The following AGAP6 variants were observed in gnomAD, a reference collection of about 807,000 sequenced individuals.
The protein encoded by AGAP6 is arf-GAP with GTPase, ANK repeat and PH domain-containing protein 6.
Under a neutral mutation model 63.9 loss-of-function variants are expected in AGAP6, and 29 were observed. That is an observed-to-expected ratio of 0.45 (90% CI 0.34 to 0.62). The LOEUF (loss-of-function observed/expected upper bound fraction) is 0.62, where lower values mean the gene tolerates loss of function less well. AGAP6 is among the 20% of genes least tolerant of loss of function. The pLI, the probability that AGAP6 is intolerant of heterozygous loss-of-function variation, is 0.01. For synonymous variants in AGAP6, 199 were observed against 332.9 expected, an observed-to-expected ratio of 0.60 and a Z score of 4.38; for missense variants, 493 against 884.9, an observed-to-expected ratio of 0.56 and a Z score of 5.62.
In AGAP6 at chr10:50,008,090, T is replaced by C. The variant is rs1554864269; in HGVS notation, c.585+14T>C. The stretch of plus-strand genomic sequence containing the variant: ...CACTCATTTGCGGTAAGTGGCACTT[T>C]TATTGAGGTTGTATTTTCATCATAC... On this transcript the variant is annotated intron_variant, in intron 7 of 7. Coordinates refer to ENST00000412531, the MANE Select transcript of AGAP6 (RefSeq NM_001077665.3). 1.2e-6 allele frequency: 2 copies of C among 1,611,910 alleles called. No individual in the cohort carries two copies. Among genetic ancestry groups the C allele is most frequent in the Admixed American group, 1.7e-5 (1 of 60,024 alleles).
At chr10:50,004,172 C>T (rs572584814) in intron 5 of AGAP6, among the ~76,000 whole-genome samples, 4 of 151,030 alleles carry the variant, frequency 2.6e-5, no homozygotes, top group East Asian at 2.0e-4. Flanking sequence ...GCAACAAGAG[C>T]GAAACTCCAC....
Position 50,009,547 on chromosome 10 carries a change from TG to T in AGAP6, c.1425del (p.Asn476ThrfsTer17), listed in dbSNP as rs782298492. On this transcript the variant is annotated frameshift_variant, in exon 8 of 8. Coordinates refer to ENST00000412531, the MANE Select transcript of AGAP6 (RefSeq NM_001077665.3). LOFTEE classifies it high-confidence loss of function. ...CCCTGCAGTCGATCCAAAACATGCGTGGGAACGCCCACTGTGTGGACTGTGA... is the reference window on the plus strand; with the variant it reads ...CCCTGCAGTCGATCCAAAACATGCGTGGAACGCCCACTGTGTGGACTGTGA... Reference protein sequence around the residue: ...MALQSIQNMRGNAHCVDCETQ... With the variant: ...MALQSIQNMRXNAHCVDCETQ... The T allele has an allele frequency of 6.2e-7, 1 of 1,613,684 alleles. No homozygotes were observed. Among genetic ancestry groups the T allele is most frequent in the South Asian group, 1.1e-5 (1 of 91,058 alleles).
chr10:49,996,718 G>C (rs1554862003), intron 4 of AGAP6, among the ~76,000 whole-genome samples: 2 of 146,240 alleles, frequency 1.4e-5, no homozygotes, highest in Non-Finnish European at 3.0e-5. Flanking sequence ...TCTAGTTAGA[G>C]ATTTGCAACT....
At position 49,989,307 on chromosome 10, in the gene AGAP6, G is replaced by T; in HGVS notation, c.224-1G>T. ...TTTCTTTTCTCCCTCTATACATATA[G>T]CTTTGGAGTTTAACCTTTCTGCCAA... On this transcript the variant is annotated splice_acceptor_variant, in intron 1 of 7. Coordinates refer to ENST00000412531, the MANE Select transcript of AGAP6 (RefSeq NM_001077665.3). LOFTEE classifies it high-confidence loss of function. The T allele has an allele frequency of 6.3e-7, 1 of 1,597,048 alleles. No homozygotes were observed. The highest frequency in any genetic ancestry group is 8.5e-7 in the Non-Finnish European group (1 of 1,179,712).
chr10:49,995,764 T>A (rs1841459487), intron 4 of AGAP6, among the ~76,000 whole-genome samples: 1 of 152,242 alleles, frequency 6.6e-6, no homozygotes, highest in South Asian at 2.1e-4. Flanking sequence ...TGGGTGGAGA[T>A]GTTAAAATCC....
intron 3 of AGAP6, among the ~76,000 whole-genome samples, chr10:49,993,197 C>T (rs1841349438): frequency 6.6e-6 from 1 of 152,348 alleles, no homozygotes; most frequent in South Asian, 2.1e-4. Flanking sequence ...TTAAGGGTCA[C>T]ATGTTAACAT....
At position 49,994,380 on chromosome 10, in the gene AGAP6, T is replaced by C; in HGVS notation, c.362-15T>C. 1 of 1,533,524 alleles carries C rather than the reference T, an allele frequency of 6.5e-7. No individual in the cohort carries two copies. Among genetic ancestry groups the C allele is most frequent in the Non-Finnish European group, 8.8e-7 (1 of 1,137,136 alleles). 95.0% of individuals were successfully genotyped at this position (1,533,524 alleles called of 1,614,324 possible). ...TTTGTATCAGAAGTGACCAGTTTTT[T>C]TTTTTTATTCTTAGTTGTAGAAATA... On this transcript the variant is annotated splice_polypyrimidine_tract_variant and intron_variant, in intron 3 of 7. Coordinates refer to ENST00000412531, the MANE Select transcript of AGAP6 (RefSeq NM_001077665.3).
intron 3 of AGAP6, among the ~76,000 whole-genome samples, chr10:49,994,138 CCTTTT>C: frequency 6.6e-6 from 1 of 152,014 alleles, no homozygotes; most frequent in East Asian, 1.9e-4. Flanking sequence ...ATTTTTTTAC[CCTTTT>C]CTTTTGTACA....
At chr10:49,993,847 A>G (rs1364050968) in intron 3 of AGAP6, among the ~76,000 whole-genome samples, 3 of 151,312 alleles carry the variant, frequency 2.0e-5, no homozygotes, top group African/African-American at 7.3e-5. Context: ...AAATTAAGAT[A>G]TGTTACTTTC....
intron 7 of AGAP6, 58 bp downstream of exon 7, chr10:50,008,134 C>G: frequency 6.2e-7 from 1 of 1,611,600 alleles, no homozygotes; most frequent in Non-Finnish European, 8.5e-7. Flanking sequence ...CTGTTTCATG[C>G]TGAAGTCAAA....
rs781945794 is a variant in AGAP6, at chr10:49,989,395, T to C, written c.292+19T>C. On this transcript the variant is annotated intron_variant, in intron 2 of 7. Transcript: ENST00000412531. ...ACAGAAGGTGAGACAACAGTGTCTG[T>C]AGCTCTATTTATTATCCTGTGGTAC... 1 of 1,597,466 alleles carries C rather than the reference T, an allele frequency of 6.3e-7. No individual in the cohort carries two copies. The highest frequency in any genetic ancestry group is 8.5e-7 in the Non-Finnish European group (1 of 1,179,708).
chr10:50,010,417 C>G lies in AGAP6; in HGVS notation c.*231C>G, dbSNP rs1294555273. ...CTCAGGCCCTCCTGGCCACATTGCC[C>G]AAGTCACACAGGCTTCTGTATTATG... On this transcript the variant is annotated 3_prime_UTR_variant, in exon 8 of 8. Coordinates refer to ENST00000412531, the MANE Select transcript of AGAP6 (RefSeq NM_001077665.3). The G allele has an allele frequency of 2.5e-6, 2 of 814,192 alleles. No individual in the cohort carries two copies. The highest frequency in any genetic ancestry group is 1.9e-6 in the Non-Finnish European group (1 of 519,130). 50.4% of individuals were successfully genotyped at this position (814,192 alleles called of 1,614,324 possible). A position where few individuals can be genotyped will look rare whatever the true frequency, so the allele number is the denominator to read the frequency against.
At chr10:50,007,789 A>G (rs1329023208) in intron 6 of AGAP6, among the ~76,000 whole-genome samples, 33 of 151,580 alleles carry the variant, frequency 2.2e-4, no homozygotes, top group African/African-American at 7.6e-4. Context: ...GGGAGAGTCA[A>G]TACTCACGGG....
Position 50,008,731 on chromosome 10 carries a change from G to A in AGAP6, c.606G>A (p.Met202Ile), listed in dbSNP as rs1489017909. 16 of 1,613,988 alleles carry A rather than the reference G, an allele frequency of 9.9e-6. No homozygotes were observed. In the Admixed American group the frequency reaches 2.2e-4, roughly 22 times the overall value. ...CACAGGTTTCCACCGTGCACATTAT[G>A]AAGAAAAGAAATGGAGGTGGGAGTT... ...HSFAVSTVHIMKKRNGGGSLN... is the reference protein window; with the variant it reads ...HSFAVSTVHIIKKRNGGGSLN... The change falls in exon 8 of 8, where the codon ATG becomes ATA. Residue 202 changes from methionine (M) to isoleucine (I), a missense_variant. Physicochemically the swap from Met to Ile is conservative, Grantham distance 10 (BLOSUM62 1). Transcript: ENST00000412531.
chr10:49,991,389 T>TTTG (rs1554860847), intron 2 of AGAP6, among the ~76,000 whole-genome samples: 1 of 149,242 alleles, frequency 6.7e-6, no homozygotes, highest in Non-Finnish European at 1.5e-5. Flanking sequence ...CTTCTGTTTT[T>TTTG]TTTTTTTTTT....
chr10:49,990,791 A>G (rs1841241733), intron 2 of AGAP6, among the ~76,000 whole-genome samples: 3 of 152,174 alleles, frequency 2.0e-5, no homozygotes, highest in Non-Finnish European at 4.4e-5. Context: ...GATAATTAAG[A>G]CTCATTATGA....
intron 4 of AGAP6, among the ~76,000 whole-genome samples, chr10:49,999,196 G>T (rs368873030): frequency 7.3e-6 from 1 of 136,516 alleles, no homozygotes; most frequent in East Asian, 2.4e-4. Context: ...CAAGATCACC[G>T]CACTGCATAC....
intron 3 of AGAP6, among the ~76,000 whole-genome samples, chr10:49,992,742 G>A (rs2132121992): frequency 6.6e-6 from 1 of 151,960 alleles, no homozygotes; most frequent in Admixed American, 6.5e-5. Flanking sequence ...AGGAGAGAGG[G>A]GAAGGGGGAA....
At chr10:49,992,543 T>C (rs1841322273) in intron 3 of AGAP6, among the ~76,000 whole-genome samples, 1 of 152,206 alleles carries the variant, frequency 6.6e-6, no homozygotes, top group South Asian at 2.1e-4. Flanking sequence ...TTTGTCTTCA[T>C]TTTTTACATT....
Sources: gnomAD v4.1 joint callset for allele counts (sites outside exome capture counted in the v4.1 genomes callset) on GRCh38, gnomAD v4.1.1 for gene constraint, MANE v1.5 for transcripts, NCBI Gene and HGNC (gene_info 2026-07-23, HGNC 2026-07-21) for gene names.